The following ANP32A variants were observed in gnomAD, a reference collection of about 807,000 sequenced individuals.
ANP32A encodes the protein acidic nuclear phosphoprotein 32 family member A, also known as acidic leucine-rich nuclear phosphoprotein 32 family member A.
ANP32A carries 1 observed loss-of-function variant against 33.9 expected under a neutral mutation model. That is an observed-to-expected ratio of 0.03 (90% CI 0.01 to 0.14). The LOEUF (loss-of-function observed/expected upper bound fraction) is 0.14. Ranked by LOEUF, ANP32A falls within the 10% of genes least tolerant of loss-of-function variation. ANP32A has a pLI of 1.00. For synonymous variants in ANP32A, 115 were observed against 120.5 expected (o/e 0.95, Z 0.30); for missense variants, 155 against 306.0 (o/e 0.51, Z 3.68).
intron 1 of ANP32A, among the ~76,000 whole-genome samples, chr15:68,794,338 C>A (rs1267618512): frequency 6.6e-6 from 1 of 152,184 alleles, no homozygotes; most frequent in Non-Finnish European, 1.5e-5. Flanking sequence ...TAAAACCGAC[C>A]CCTTTGGATT....
chr15:68,804,266 C>CA (rs1465375793), intron 1 of ANP32A, among the ~76,000 whole-genome samples: 1 of 152,090 alleles, frequency 6.6e-6, no homozygotes, highest in Non-Finnish European at 1.5e-5. Flanking sequence ...GGTTGGGGGT[C>CA]AAAGCTAAGA....
intron 1 of ANP32A, among the ~76,000 whole-genome samples, chr15:68,807,171 C>A (rs1275603212): frequency 1.3e-5 from 2 of 152,200 alleles, no homozygotes; most frequent in Admixed American, 6.5e-5. Flanking sequence ...TGCTCCCTTT[C>A]TTCCAGTGAG....
intron 1 of ANP32A, among the ~76,000 whole-genome samples, chr15:68,797,203 G>A (rs1213417581): frequency 6.6e-6 from 1 of 152,142 alleles, no homozygotes; most frequent in Non-Finnish European, 1.5e-5. Flanking sequence ...CTGAATGTGG[G>A]AGTCCAGCAT....
chr15:68,795,199 A>G (rs1894047924), intron 1 of ANP32A, among the ~76,000 whole-genome samples: 1 of 152,076 alleles, frequency 6.6e-6, no homozygotes, highest in South Asian at 2.1e-4. Context: ...ACAGTAGTAG[A>G]CCCAGATCTC....
intron 1 of ANP32A, chr15:68,812,968 C>T (rs964630830): frequency 6.6e-6 from 1 of 152,240 alleles, no homozygotes; most frequent in Admixed American, 6.5e-5. Context: ...CCGAGAAGAG[C>T]ATCCAAGTCT....
chr15:68,803,617 C>G (rs1335510852), intron 1 of ANP32A, among the ~76,000 whole-genome samples: 2 of 151,988 alleles, frequency 1.3e-5, no homozygotes, highest in Non-Finnish European at 2.9e-5. Context: ...GTGTCAGAGC[C>G]ACAGAGGAAA....
intron 1 of ANP32A, among the ~76,000 whole-genome samples, chr15:68,814,501 C>T (rs549714820): frequency 6.6e-6 from 1 of 151,846 alleles, no homozygotes; most frequent in East Asian, 1.9e-4. Flanking sequence ...TAGAGTAAGC[C>T]ACCTTGAGAG....
intron 1 of ANP32A, among the ~76,000 whole-genome samples, chr15:68,799,324 G>A (rs938659677): frequency 6.6e-5 from 10 of 152,158 alleles, no homozygotes; most frequent in African/African-American, 2.4e-4. Context: ...GAAGAAAGGA[G>A]TTGGAGGCTT....
Position 68,820,839 on chromosome 15 carries a change from T to C in ANP32A, c.-88A>G, listed in dbSNP as rs1894465585. On this transcript the variant is annotated 5_prime_UTR_variant, in exon 1 of 7. Coordinates refer to ENST00000465139, the MANE Select transcript of ANP32A (RefSeq NM_006305.4). Reference sequence around the variant, plus strand: ...CCCACGGCCGCGCGTTTTAGGACTTTGAAGGCTCAACCAGCTCCGCTCGGT... The same window carrying C: ...CCCACGGCCGCGCGTTTTAGGACTTCGAAGGCTCAACCAGCTCCGCTCGGT... The C allele has an allele frequency of 9.2e-6, 14 of 1,519,952 alleles. No homozygotes were observed. Among genetic ancestry groups the C allele is most frequent in the Admixed American group, 3.4e-5 (2 of 58,322 alleles). The allele number at this position is 1,519,952 out of a possible 1,614,324, so 94.2% of individuals were successfully genotyped here.
Position 68,795,562 on chromosome 15 carries a change from G to A in ANP32A, c.55-7643C>T, listed in dbSNP as rs141446381. On this transcript the variant is annotated intron_variant, in intron 1 of 6. Coordinates refer to ENST00000465139, the MANE Select transcript of ANP32A (RefSeq NM_006305.4). ...GCACCGCCTGGAACCGGCTTCCTCT[G>A]TCTCCTCCCGCGGGTGTGAGAGGGA... Among the ~76,000 whole-genome samples, 6 of 152,312 alleles carry A rather than the reference G, an allele frequency of 3.9e-5. No individual in the cohort carries two copies. The East Asian group carries it at 1.2e-3, about 29-fold the overall frequency.
intron 1 of ANP32A, among the ~76,000 whole-genome samples, chr15:68,802,373 A>G (rs893096261): frequency 6.6e-6 from 1 of 152,146 alleles, no homozygotes; most frequent in Non-Finnish European, 1.5e-5. Context: ...ATATTATACT[A>G]ATCATTGCCT....
chr15:68,780,200 A>C lies in ANP32A; in HGVS notation c.689-58T>G. 1 of 1,603,344 alleles carries C rather than the reference A, an allele frequency of 6.2e-7. No homozygotes were observed. The highest frequency in any genetic ancestry group is 8.5e-7 in the Non-Finnish European group (1 of 1,173,556). On this transcript the variant is annotated intron_variant, in intron 6 of 6. Transcript: ENST00000465139. This position sits in a 1 kb window ranked among gnomAD's most constrained non-coding sequence, Gnocchi z 4.3. ...TTATTAATCCCACCTCTTTAACTCA[A>C]CCCACCCAGTGAGAAGTCAGGGGAC...
At position 68,792,950 on chromosome 15, in the gene ANP32A, A is replaced by G. The variant is rs139653932; in HGVS notation, c.55-5031T>C. Among the ~76,000 whole-genome samples the G allele has an allele frequency of 5.1e-3, 769 of 152,210 alleles. 5 individuals are homozygous for G. The highest frequency in any genetic ancestry group is 0.016 in the African/African-American group (677 of 41,542). Reference sequence around the variant, plus strand: ...TTCAAGTTCCTACACATGACCTCCAAGGTTCTCCATTCTTGGAGCTCCCTC... The same window carrying G: ...TTCAAGTTCCTACACATGACCTCCAGGGTTCTCCATTCTTGGAGCTCCCTC... On this transcript the variant is annotated intron_variant, in intron 1 of 6. Transcript: ENST00000465139.
intron 1 of ANP32A, among the ~76,000 whole-genome samples, chr15:68,794,068 C>T (rs1894032331): frequency 6.6e-6 from 1 of 152,230 alleles, no homozygotes; most frequent in South Asian, 2.1e-4. Context: ...CCTTTCTGAG[C>T]TTCCGTTTCC....
intron 3 of ANP32A, 62 bp from the exon 4 acceptor site, chr15:68,784,657 C>T (rs984869178): frequency 6.4e-7 from 1 of 1,574,578 alleles, no homozygotes; most frequent in Admixed American, 1.7e-5. Context: ...GAGGAACAGC[C>T]CTAGCAAACA....
At chr15:68,805,882 G>A (rs532864066) in intron 1 of ANP32A, among the ~76,000 whole-genome samples, 40 of 152,278 alleles carry the variant, frequency 2.6e-4, no homozygotes, top group African/African-American at 8.9e-4. Context: ...CTCCCCCAGC[G>A]GAACAGAAGC....
At position 68,804,930 on chromosome 15, in the gene ANP32A, G is replaced by A. The variant is rs78417157; in HGVS notation, c.54+15768C>T. On this transcript the variant is annotated intron_variant, in intron 1 of 6. Transcript: ENST00000465139. Reference sequence around the variant, plus strand: ...TAATAAAGTCTTACTTCAGCCAGAAGCTCCTTTCAAATTGATGTAGGATTC... The same window carrying A: ...TAATAAAGTCTTACTTCAGCCAGAAACTCCTTTCAAATTGATGTAGGATTC... Among the ~76,000 whole-genome samples, 156 of 152,326 alleles carry A rather than the reference G, an allele frequency of 1.0e-3. 1 individual carries two copies. The East Asian group carries it at 0.023, about 22-fold the overall frequency.
chr15:68,809,688 C>T (rs1457663744), intron 1 of ANP32A, among the ~76,000 whole-genome samples: 2 of 152,098 alleles, frequency 1.3e-5, no homozygotes, highest in East Asian at 1.9e-4. Flanking sequence ...CACCAGCGGG[C>T]GTGGGGGTGC....
At chr15:68,805,932 T>C (rs905014186) in intron 1 of ANP32A, among the ~76,000 whole-genome samples, 5 of 152,182 alleles carry the variant, frequency 3.3e-5, no homozygotes, top group African/African-American at 1.2e-4. Context: ...GTCTAGTTCC[T>C]AGAACAGAAC....
Sources: allele counts gnomAD v4.1 joint callset (sites outside exome capture counted in the v4.1 genomes callset), GRCh38; gene constraint gnomAD v4.1.1; non-coding constraint Gnocchi (gnomAD v3.1); transcripts MANE v1.5; gene names NCBI Gene and HGNC (gene_info 2026-07-23, HGNC 2026-07-21).